Variants in SRGAP3 observed in about 807,000 individuals in gnomAD.
The protein encoded by SRGAP3 is SLIT-ROBO Rho GTPase activating protein 3, also known as SLIT-ROBO Rho GTPase-activating protein 3.
In SRGAP3, 39 loss-of-function variants were observed where a neutral mutation model predicts 121.1. The ratio of observed to expected loss-of-function variants is 0.32; its 90% CI spans 0.25 to 0.42. SRGAP3 has a LOEUF of 0.42. Ranked by LOEUF, SRGAP3 falls within the 10% of genes least tolerant of loss-of-function variation. SRGAP3 has a pLI of 1.00. For synonymous variants in SRGAP3, 601 were observed against 570.0 expected, an observed-to-expected ratio of 1.05 and a Z score of -0.77; for missense variants, 1,213 against 1,470.6, an observed-to-expected ratio of 0.82 and a Z score of 2.86.
rs1403748967 is a variant in SRGAP3 at position 8,982,664 on chromosome 3, GGTGA to G, written c.*2851_*2854del. Reference sequence around the variant, plus strand: ...GTCGATGGGACTGAGTGCTGTGGAGGGTGAGTGAGACATGCATAGTGCCAGATGA... The same window carrying G: ...GTCGATGGGACTGAGTGCTGTGGAGGGTGAGACATGCATAGTGCCAGATGA... On this transcript the variant is annotated 3_prime_UTR_variant, in exon 22 of 22. Coordinates refer to ENST00000383836, the MANE Select transcript of SRGAP3 (RefSeq NM_014850.4). The G allele has an allele frequency of 1.1e-5, 2 of 184,854 alleles. No homozygotes were observed. Among genetic ancestry groups the G allele is most frequent in the East Asian group, 9.1e-5 (1 of 10,994 alleles). 11.5% of individuals were successfully genotyped at this position (184,854 alleles called of 1,614,324 possible).
chr3:9,130,450 A>T (rs1348697524), intron 1 of SRGAP3, among the ~76,000 whole-genome samples: 2 of 152,192 alleles, frequency 1.3e-5, no homozygotes, highest in East Asian at 3.8e-4. Context: ...AAATATAACT[A>T]TGCAGTGAGT....
At chr3:9,106,061 C>T (rs1006666231) in intron 2 of SRGAP3, among the ~76,000 whole-genome samples, 44 of 152,210 alleles carry the variant, frequency 2.9e-4, no homozygotes, top group Non-Finnish European at 5.7e-4. Context: ...ATGTGTATCA[C>T]TTTCACAACA....
At chr3:9,117,428 C>T (rs901007123) in intron 2 of SRGAP3, among the ~76,000 whole-genome samples, 3 of 152,212 alleles carry the variant, frequency 2.0e-5, no homozygotes, top group African/African-American at 7.2e-5. Flanking sequence ...CTCTGTGAAG[C>T]TGAAAGATGC....
intron 5 of SRGAP3, among the ~76,000 whole-genome samples, chr3:9,063,452 T>C (rs1313616006): frequency 6.6e-6 from 1 of 152,058 alleles, no homozygotes; most frequent in Non-Finnish European, 1.5e-5. Context: ...CATGTACTTA[T>C]TGGCCACTCA....
intron 3 of SRGAP3, among the ~76,000 whole-genome samples, chr3:9,262,917 C>T (rs1954284338): frequency 6.6e-6 from 1 of 152,186 alleles, no homozygotes; most frequent in South Asian, 2.1e-4. Flanking sequence ...ACAGAGTATA[C>T]ATTCTTCTCT....
intron 10 of SRGAP3, among the ~76,000 whole-genome samples, chr3:9,039,317 T>A (rs1336047092): frequency 2.0e-5 from 3 of 152,182 alleles, no homozygotes; most frequent in African/African-American, 4.8e-5. Flanking sequence ...CCTCAAAATG[T>A]TGGAGTGCCA....
At chr3:9,074,036 T>C (rs974714964) in intron 4 of SRGAP3, among the ~76,000 whole-genome samples, 9 of 152,218 alleles carry the variant, frequency 5.9e-5, no homozygotes, top group Admixed American at 1.3e-4. Flanking sequence ...ATGTATCTTC[T>C]ATTTCTAAAT....
In SRGAP3 at chr3:9,058,479, G is replaced by A; in HGVS notation, c.802-7C>T. 6.2e-7 allele frequency: 1 copy of A among 1,613,478 alleles called. No homozygotes were observed. Among genetic ancestry groups the A allele is most frequent in the Non-Finnish European group, 8.5e-7 (1 of 1,179,934 alleles). ...GGAAGCCCAAATCACAGCACTTGGG[G>A]AGAGGCAACAACGGAAGGTTATGGG... On this transcript the variant is annotated splice_region_variant and splice_polypyrimidine_tract_variant and intron_variant, in intron 6 of 21. Transcript: ENST00000383836.
rs1942600681 is a variant in SRGAP3 at position 8,999,217 on chromosome 3, A to G, written c.2228-4694T>C. Among the ~76,000 whole-genome samples, 4 of 152,300 alleles carry G rather than the reference A, an allele frequency of 2.6e-5. No individual in the cohort carries two copies. In the South Asian group the frequency reaches 8.3e-4, roughly 32 times the overall value. On this transcript the variant is annotated intron_variant, in intron 18 of 21. Transcript: ENST00000383836. ...AGGGGCCTGGCTGGAGTCACATTTT[A>G]GGAAAATCACTCCAGTGGCAAAGCA...
At chr3:9,163,710 G>C (rs1950681815) in intron 1 of SRGAP3, among the ~76,000 whole-genome samples, 1 of 152,206 alleles carries the variant, frequency 6.6e-6, no homozygotes, top group Non-Finnish European at 1.5e-5. Context: ...AGCTGCAACA[G>C]GTTGTAGAAA....
At chr3:9,184,228 C>A (rs984852785) in intron 1 of SRGAP3, among the ~76,000 whole-genome samples, 2 of 152,166 alleles carry the variant, frequency 1.3e-5, no homozygotes, top group East Asian at 3.9e-4. Flanking sequence ...AAGGAAGGAG[C>A]ATGGTGCTGC....
Position 9,249,336 on chromosome 3 carries a change from G to A in SRGAP3, c.-385C>T. 2.4e-6 allele frequency: 1 copy of A among 422,950 alleles called. No homozygotes were observed. The highest frequency in any genetic ancestry group is 2.4e-5 in the South Asian group (1 of 41,900). The allele number at this position is 422,950 out of a possible 1,614,324, so 26.2% of individuals were successfully genotyped here. A position where few individuals can be genotyped will look rare whatever the true frequency, so the allele number is the denominator to read the frequency against. On this transcript the variant is annotated 5_prime_UTR_variant, in exon 1 of 22. Transcript: ENST00000383836. ...ACGCATGCACAGGCACACTCACCGG[G>A]ACACGCACACAGTTGTGCTGTGCAC...
upstream of SRGAP3, among the ~76,000 whole-genome samples, chr3:9,251,028 T>C (rs1004145961): frequency 5.3e-5 from 8 of 152,336 alleles, no homozygotes; most frequent in Non-Finnish European, 1.2e-4. Flanking sequence ...TCTGAGTCTA[T>C]AATAAATGAT....
intron 3 of SRGAP3, among the ~76,000 whole-genome samples, chr3:9,302,936 T>A (rs1346393104): frequency 7.0e-6 from 1 of 143,472 alleles, no homozygotes. Context: ...AAGTACCTAA[T>A]ATCTCCCACC....
chr3:9,149,897 C>T (rs1950157422), intron 1 of SRGAP3, among the ~76,000 whole-genome samples: 1 of 152,330 alleles, frequency 6.6e-6, no homozygotes, highest in South Asian at 2.1e-4. Flanking sequence ...TTCATGCACC[C>T]CATCCAGCCA....
At chr3:9,025,487 G>T in intron 13 of SRGAP3, 149 bp from the exon 14 acceptor site, 1 of 921,040 alleles carries the variant, frequency 1.1e-6, no homozygotes, top group Non-Finnish European at 1.7e-6. Flanking sequence ...AATGTCTCCA[G>T]AAATGGCCTT....
chr3:9,053,636 G>A (rs1035303499), intron 8 of SRGAP3, among the ~76,000 whole-genome samples: 5 of 152,210 alleles, frequency 3.3e-5, no homozygotes, highest in East Asian at 3.9e-4. Context: ...ATTCAGAGAA[G>A]GATAGAGACA....
At chr3:9,053,913 T>C (rs1402275301) in intron 8 of SRGAP3, among the ~76,000 whole-genome samples, 1 of 152,226 alleles carries the variant, frequency 6.6e-6, no homozygotes, top group Non-Finnish European at 1.5e-5. Context: ...CTCTGGAGGC[T>C]GGTTCCAAAA....
At chr3:9,067,806 A>G (rs1946500810) in intron 4 of SRGAP3, among the ~76,000 whole-genome samples, 1 of 152,166 alleles carries the variant, frequency 6.6e-6, no homozygotes. Context: ...CTTAAAATAA[A>G]AATAAAATAA....
Sources: allele counts gnomAD v4.1 joint callset (sites outside exome capture counted in the v4.1 genomes callset), GRCh38; gene constraint gnomAD v4.1.1; transcripts MANE v1.5; gene names NCBI Gene and HGNC (gene_info 2026-07-23, HGNC 2026-07-21).